Variants in PTPN4 observed in about 807,000 individuals in gnomAD.
PTPN4 encodes protein tyrosine phosphatase non-receptor type 4, also known as tyrosine-protein phosphatase non-receptor type 4.
In PTPN4, 49 loss-of-function variants were observed where a neutral mutation model predicts 135.5. The ratio of observed to expected loss-of-function variants is 0.36; its 90% CI spans 0.29 to 0.46. The LOEUF (loss-of-function observed/expected upper bound fraction) is 0.46. Ranked by LOEUF, PTPN4 falls within the 20% of genes least tolerant of loss-of-function variation. The pLI is 1.00. For missense variants in PTPN4, 860 were observed against 1,101.0 expected, an observed-to-expected ratio of 0.78 and a Z score of 3.10; for synonymous variants, 333 against 369.9, an observed-to-expected ratio of 0.90 and a Z score of 1.14.
chr2:119,878,807 G>A (rs1678022605), intron 5 of PTPN4, among the ~76,000 whole-genome samples: 2 of 150,750 alleles, frequency 1.3e-5, no homozygotes, highest in South Asian at 4.2e-4. Flanking sequence ...GAAAAACTAA[G>A]TTGTGGCCGG....
rs946341752 is a variant in PTPN4, at chr2:119,980,296, C to T, written c.*3226C>T. The stretch of plus-strand genomic sequence containing the variant: ...ATGTATATTTCACAAAGGCTAATGC[C>T]CACAGAGGAAAATGATTATTTTAAC... On this transcript the variant is annotated 3_prime_UTR_variant, in exon 27 of 27. Coordinates refer to ENST00000263708, the MANE Select transcript of PTPN4 (RefSeq NM_002830.4). The T allele has an allele frequency of 1.3e-5, 2 of 151,980 alleles. No homozygotes were observed. Among genetic ancestry groups the T allele is most frequent in the Non-Finnish European group, 2.9e-5 (2 of 67,924 alleles). The allele number at this position is 151,980 out of a possible 1,614,324, so 9.4% of individuals were successfully genotyped here.
intron 8 of PTPN4, 121 bp from the exon 9 acceptor site, chr2:119,885,674 G>A (rs182474865): frequency 3.3e-4 from 201 of 600,448 alleles, no homozygotes; most frequent in Non-Finnish European, 5.0e-4. Context: ...AGTCCTGCAT[G>A]GTGTTTCATA....
At chr2:119,893,770 A>C (rs1179317367) in intron 9 of PTPN4, among the ~76,000 whole-genome samples, 1 of 152,188 alleles carries the variant, frequency 6.6e-6, no homozygotes, top group African/African-American at 2.4e-5. Flanking sequence ...AGGAGCAGTC[A>C]GCTTTGTCAG....
At chr2:119,888,754 G>A (rs1170635068) in intron 9 of PTPN4, among the ~76,000 whole-genome samples, 3 of 152,104 alleles carry the variant, frequency 2.0e-5, no homozygotes, top group South Asian at 2.1e-4. Context: ...AGATGTTGGT[G>A]TCTGTGTTCA....
At chr2:119,905,472 A>G (rs570145178) in intron 10 of PTPN4, among the ~76,000 whole-genome samples, 2 of 152,362 alleles carry the variant, frequency 1.3e-5, no homozygotes, top group South Asian at 2.1e-4. Flanking sequence ...ACCCAGATAT[A>G]TGAAGTAAAT....
rs187947115 is a variant in PTPN4 at position 119,855,808 on chromosome 2, T to C, written c.139-6728T>C. ...AAGGCTCATGTGTTATTTTATTTAT[T>C]ATTATTTTTTTTTGAGACAGACTCT... On this transcript the variant is annotated intron_variant, in intron 2 of 26. Transcript: ENST00000263708. Among the ~76,000 whole-genome samples the C allele has an allele frequency of 2.6e-4, 39 of 152,106 alleles. No individual in the cohort carries two copies. The East Asian group carries it at 7.5e-3, about 29-fold the overall frequency.
At chr2:119,880,358 G>A (rs1392228666) in intron 5 of PTPN4, among the ~76,000 whole-genome samples, 1 of 152,080 alleles carries the variant, frequency 6.6e-6, no homozygotes, top group East Asian at 1.9e-4. Context: ...CAATATTATG[G>A]CAAGGATATG....
chr2:119,941,638 A>G (rs1679063186), intron 15 of PTPN4, among the ~76,000 whole-genome samples: 1 of 152,226 alleles, frequency 6.6e-6, no homozygotes, highest in Admixed American at 6.5e-5. Flanking sequence ...AGAAAGTTAC[A>G]TAAGACAGTG....
intron 2 of PTPN4, among the ~76,000 whole-genome samples, chr2:119,857,990 G>T (rs896311911): frequency 1.3e-5 from 2 of 152,148 alleles, no homozygotes; most frequent in Admixed American, 6.5e-5. Flanking sequence ...GCGAGTTCTT[G>T]CTCAGTTAAC....
At chr2:119,955,751 C>T (rs1679271334) in intron 20 of PTPN4, among the ~76,000 whole-genome samples, 1 of 151,974 alleles carries the variant, frequency 6.6e-6, no homozygotes. Context: ...TCCTGGCCAA[C>T]ACGGTGAAAC....
At chr2:119,789,801 CA>C (rs1691110624) in intron 1 of PTPN4, among the ~76,000 whole-genome samples, 1 of 152,042 alleles carries the variant, frequency 6.6e-6, no homozygotes, top group Admixed American at 6.5e-5. Context: ...CGGCTCAGTG[CA>C]ACCTCTGCCT....
intron 15 of PTPN4, among the ~76,000 whole-genome samples, chr2:119,936,015 T>C (rs1164262019): frequency 6.6e-6 from 1 of 152,194 alleles, no homozygotes; most frequent in African/African-American, 2.4e-5. Flanking sequence ...TAAATTTTTT[T>C]TTTTTGAGAT....
At chr2:119,969,248 A>G (rs1283686079) in intron 26 of PTPN4, among the ~76,000 whole-genome samples, 1 of 152,120 alleles carries the variant, frequency 6.6e-6, no homozygotes, top group African/African-American at 2.4e-5. Flanking sequence ...CCTGGGTTCA[A>G]GCTGTCCTGC....
chr2:119,915,054 A>C, intron 10 of PTPN4, 125 bp from the exon 11 acceptor site: 1 of 720,314 alleles, frequency 1.4e-6, no homozygotes, highest in Non-Finnish European at 2.0e-6. Context: ...TTTATGTACT[A>C]TGTGTATGTA....
intron 18 of PTPN4, 89 bp from the exon 19 acceptor site, chr2:119,951,884 C>A: frequency 1.9e-6 from 2 of 1,035,880 alleles, no homozygotes; most frequent in South Asian, 4.7e-5. Context: ...TTTAGTTCTC[C>A]TGCTATTGGG....
At chr2:119,813,346 C>T (rs944006509) in intron 2 of PTPN4, among the ~76,000 whole-genome samples, 5 of 151,786 alleles carry the variant, frequency 3.3e-5, no homozygotes, top group Non-Finnish European at 7.4e-5. Flanking sequence ...CTCCCAGGTT[C>T]GAGCGATTCT....
rs537528513 is a variant in PTPN4, at chr2:119,934,915, C to G, written c.1312C>G (p.Pro438Ala). The change falls in exon 15 of 27, where the codon CCG becomes GCG. Residue 438 changes from proline (P) to alanine (A), a missense_variant. Pro to Ala is a conservative substitution (Grantham distance 27, BLOSUM62 -1). Transcript: ENST00000263708. ...CGAAGTGTTTGTAAATCAGAGATCT[C>G]CGTCATCAACACAAGCTAATAGCAT... is the stretch of plus-strand genomic sequence containing the variant. ...PSEVFVNQRS[P>A]SSTQANSIVL... The G allele has an allele frequency of 6.2e-7, 1 of 1,613,892 alleles. No individual in the cohort carries two copies. Among genetic ancestry groups the G allele is most frequent in the African/African-American group, 1.3e-5 (1 of 75,056 alleles).
chr2:119,858,392 A>G (rs1677711923), intron 2 of PTPN4, among the ~76,000 whole-genome samples: 1 of 152,138 alleles, frequency 6.6e-6, no homozygotes, highest in Non-Finnish European at 1.5e-5. Context: ...GATGTGTTAT[A>G]AGGTAGATTT....
rs559414538 is a variant in PTPN4, at chr2:119,906,316, T to C, written c.764+5510T>C. ...CTCAGGAGTTCATCCTGAGTGACAG[T>C]GTGAGACCTGTCTGAAAAAAAAGAA... On this transcript the variant is annotated intron_variant, in intron 10 of 26. Coordinates refer to ENST00000263708, the MANE Select transcript of PTPN4 (RefSeq NM_002830.4). Among the ~76,000 whole-genome samples the C allele has an allele frequency of 2.5e-3, 386 of 152,052 alleles. 1 individual carries two copies. The highest frequency in any genetic ancestry group is 9.1e-3 in the African/African-American group (377 of 41,470).
Sources: allele counts gnomAD v4.1 joint callset (sites outside exome capture counted in the v4.1 genomes callset), GRCh38; gene constraint gnomAD v4.1.1; transcripts MANE v1.5; gene names NCBI Gene and HGNC (gene_info 2026-07-23, HGNC 2026-07-21).